SCN7A: variants seen among roughly 807,000 people sequenced by gnomAD.
The protein encoded by SCN7A is sodium channel protein type 7 subunit alpha.
Under a neutral mutation model 155.2 loss-of-function variants are expected in SCN7A, and 138 were observed. The observed-to-expected ratio is 0.89, with a 90% confidence interval of 0.77 to 1.02. The LOEUF (loss-of-function observed/expected upper bound fraction) is 1.02, where lower values mean the gene tolerates loss of function less well. Among genes scored for constraint, SCN7A ranks in the 50% least tolerant of loss-of-function variants. The pLI is 0.00. For synonymous variants in SCN7A, 693 were observed against 649.0 expected (o/e 1.07, Z -1.03); for missense variants, 2,058 against 1,986.6 (o/e 1.04, Z -0.68).
intron 12 of SCN7A, among the ~76,000 whole-genome samples, chr2:166,446,200 G>T (rs1702059355): frequency 2.6e-5 from 4 of 152,048 alleles, no homozygotes; most frequent in Admixed American, 2.6e-4. Context: ...CCATCAAAAA[G>T]TGGGCGAAGG....
At chr2:166,434,148 A>G (rs1701790436) in intron 15 of SCN7A, among the ~76,000 whole-genome samples, 2 of 152,122 alleles carry the variant, frequency 1.3e-5, no homozygotes, top group Admixed American at 6.6e-5. Context: ...AAACACTCCA[A>G]TAATTACTCT....
chr2:166,413,771 C>G (rs983902995), intron 21 of SCN7A, among the ~76,000 whole-genome samples: 5 of 150,566 alleles, frequency 3.3e-5, no homozygotes, highest in Non-Finnish European at 7.4e-5. Context: ...CGTGAAAAGG[C>G]GAGACTGGCC....
chr2:166,431,413 T>C (rs908766240), intron 16 of SCN7A, among the ~76,000 whole-genome samples: 5 of 151,850 alleles, frequency 3.3e-5, no homozygotes, highest in Non-Finnish European at 7.4e-5. Flanking sequence ...ACAGAAGAGG[T>C]CTGGGAGACA....
rs778902479 is a variant in SCN7A, at chr2:166,432,750, T to A, written c.2160A>T (p.Val720=). ...LMVILIGNLL[V]LYLFLALVSS... ...TCACCAATGCCAGAAACAGGTAAAG[T>A]ACCTAAATAAGGAAGTAAAATGAGG... The change falls in exon 16 of 26, where the codon GTA becomes GTT. Residue 720 remains valine, a splice_region_variant and synonymous_variant. Coordinates refer to ENST00000643258, the MANE Select transcript of SCN7A (RefSeq NM_002976.4). 1.3e-6 allele frequency: 2 copies of A among 1,524,030 alleles called. No homozygotes were observed. The highest frequency in any genetic ancestry group is 2.7e-5 in the South Asian group (2 of 75,122). 94.4% of individuals were successfully genotyped at this position (1,524,030 alleles called of 1,614,324 possible). A position where few individuals can be genotyped will look rare whatever the true frequency, so the allele number is the denominator to read the frequency against.
chr2:166,465,878 G>C lies in SCN7A; in HGVS notation c.774C>G (p.Leu258=). 1 of 1,613,836 alleles carries C rather than the reference G, an allele frequency of 6.2e-7. No individual in the cohort carries two copies. Among genetic ancestry groups the C allele is most frequent in the Non-Finnish European group, 8.5e-7 (1 of 1,179,836 alleles). Residue 258 remains leucine, a synonymous_variant, in exon 8 of 26, where the codon CTC becomes CTG. Transcript: ENST00000643258. ...LSIFSLIGMG[L]FMGNLKHKCF... ...ATTTATGTTTCAAGTTGCCCATGAAGAGCCCCATCCCAATTAGAGAAAATA... is the reference window on the plus strand; with the variant it reads ...ATTTATGTTTCAAGTTGCCCATGAACAGCCCCATCCCAATTAGAGAAAATA...
chr2:166,487,467 C>T (rs1448605697), intron 1 of SCN7A, among the ~76,000 whole-genome samples: 1 of 152,120 alleles, frequency 6.6e-6, no homozygotes, highest in African/African-American at 2.4e-5. Flanking sequence ...GCACAGCCTG[C>T]CAGCAATGCA....
At chr2:166,474,183 T>C (rs1291729424) in intron 4 of SCN7A, 43 bp downstream of exon 4, 1 of 884,742 alleles carries the variant, frequency 1.1e-6, no homozygotes. Flanking sequence ...TTGCAGTTAA[T>C]GTCAGCACAG....
chr2:166,489,203 G>A (rs1163246551), intron 1 of SCN7A, among the ~76,000 whole-genome samples: 1 of 152,156 alleles, frequency 6.6e-6, no homozygotes, highest in Non-Finnish European at 1.5e-5. Flanking sequence ...CACCAAATCA[G>A]TTACTAAGTG....
In SCN7A at chr2:166,405,810, T is replaced by G; in HGVS notation, c.4819A>C (p.Asn1607His). Residue 1607 changes from asparagine to histidine, a missense_variant, in exon 26 of 26, where the codon AAC becomes CAC. Transcript: ENST00000643258. ...SEIESGFLLA[N>H]PFKITCEPIT... The stretch of plus-strand genomic sequence containing the variant: ...GGCTCACATGTGATCTTAAAAGGGT[T>G]GGCTAACAAAAACCCTGATTCTATT... 6.2e-7 allele frequency: 1 copy of G among 1,613,116 alleles called. No homozygotes were observed. Among genetic ancestry groups the G allele is most frequent in the Non-Finnish European group, 8.5e-7 (1 of 1,179,386 alleles).
intron 15 of SCN7A, among the ~76,000 whole-genome samples, chr2:166,439,497 A>G (rs1312393696): frequency 1.3e-5 from 2 of 151,800 alleles, no homozygotes; most frequent in East Asian, 3.9e-4. Context: ...GCACAGAGAA[A>G]AACAGAATTG....
In SCN7A at chr2:166,413,981, G is replaced by GTATATATATATATATATATATATAAA. The variant is rs556351441; in HGVS notation, c.3415-861_3415-860insTTTATATATATATATATATATATATA. On this transcript the variant is annotated intron_variant, in intron 21 of 25. Transcript: ENST00000643258. Reference sequence around the variant, plus strand: ...CCCCTTTATATATATATGTGTATGTGTATATATATATATATATATATAAAT... The same window carrying GTATATATATATATATATATATATAAA: ...CCCCTTTATATATATATGTGTATGTGTATATATATATATATATATATATAAATATATATATATATATATATATAAAT... Among the ~76,000 whole-genome samples, 3 of 53,502 alleles carry GTATATATATATATATATATATATAAA rather than the reference G, an allele frequency of 5.6e-5. No individual in the cohort carries two copies. In the Admixed American group the frequency reaches 8.5e-4, roughly 15 times the overall value. The allele number at this position is 53,502 out of a possible 152,430, so 35.1% of individuals were successfully genotyped here.
chr2:166,453,512 T>G (rs1702216457), intron 11 of SCN7A, among the ~76,000 whole-genome samples: 2 of 152,218 alleles, frequency 1.3e-5, no homozygotes, highest in African/African-American at 4.8e-5. Context: ...CTTAGTATAG[T>G]GTAAGCACAG....
At chr2:166,426,918 C>A (rs1279387624) in intron 18 of SCN7A, among the ~76,000 whole-genome samples, 1 of 152,086 alleles carries the variant, frequency 6.6e-6, no homozygotes, top group Admixed American at 6.6e-5. Flanking sequence ...ATGACTCCAT[C>A]TTCTGTGTTC....
At chr2:166,473,988 GAAC>G (rs1421857452) in intron 4 of SCN7A, 100 bp from the exon 5 acceptor site, 14 of 610,692 alleles carry the variant, frequency 2.3e-5, no homozygotes, top group African/African-American at 3.8e-5. Context: ...TAATCTTATT[GAAC>G]AACAATGGGC....
At chr2:166,440,904 A>C (rs1006054391) in intron 15 of SCN7A, 3 of 158,490 alleles carry the variant, frequency 1.9e-5, no homozygotes, top group Non-Finnish European at 4.1e-5. Context: ...TGGTGTATAC[A>C]GCATGAATAT....
At chr2:166,478,313 A>G (rs933422550) in intron 2 of SCN7A, among the ~76,000 whole-genome samples, 8 of 149,662 alleles carry the variant, frequency 5.3e-5, no homozygotes, top group Non-Finnish European at 1.2e-4. Context: ...AAATATATAT[A>G]ATATATATAA....
intron 8 of SCN7A, 94 bp downstream of exon 8, chr2:166,465,687 T>C (rs2105485264): frequency 1.4e-6 from 2 of 1,405,278 alleles, no homozygotes; most frequent in South Asian, 2.4e-5. Flanking sequence ...TTTGGGAATC[T>C]AACAAAATGT....
Position 166,440,366 on chromosome 2 carries a change from A to T in SCN7A, c.2157+1030T>A, listed in dbSNP as rs1231448914. ...CTTCTTAAAATTTAATGGGCACACA[A>T]ATCACCTGGGAACAGTGTTACAATG... On this transcript the variant is annotated intron_variant, in intron 15 of 25. Transcript: ENST00000643258. 1.3e-5 allele frequency among the ~76,000 whole-genome samples: 2 copies of T among 152,180 alleles called. 1 individual carries two copies. The highest frequency in any genetic ancestry group is 4.1e-4 in the South Asian group (2 of 4,824).
intron 13 of SCN7A, among the ~76,000 whole-genome samples, chr2:166,444,269 G>GA (rs1199313365): frequency 6.6e-6 from 1 of 152,166 alleles, no homozygotes; most frequent in Non-Finnish European, 1.5e-5. Context: ...CATTGTATGT[G>GA]AAAAAGGACT....
Sources: allele counts gnomAD v4.1 joint callset (sites outside exome capture counted in the v4.1 genomes callset), GRCh38; gene constraint gnomAD v4.1.1; transcripts MANE v1.5; gene names NCBI Gene and HGNC (gene_info 2026-07-23, HGNC 2026-07-21).